The following NAA38 variants were observed in gnomAD, a reference collection of about 807,000 sequenced individuals.
NAA38 encodes N-alpha-acetyltransferase 38, NatC auxiliary subunit, also known as LSM domain containing 1.
Under a neutral mutation model 12.6 loss-of-function variants are expected in NAA38, and 15 were observed. The ratio of observed to expected loss-of-function variants is 1.19; its 90% confidence interval spans 0.79 to 1.83. The LOEUF is 1.83. Among genes scored for constraint, NAA38 ranks in the 40% most tolerant of loss-of-function variants. The pLI is 0.00. For synonymous variants in NAA38, 88 were observed against 69.9 expected (o/e 1.26, Z -1.29); for missense variants, 183 against 171.7 (o/e 1.07, Z -0.37).
At chr17:7,880,903 A>C (rs1440345124) in intron 2 of NAA38, among the ~76,000 whole-genome samples, 4 of 152,192 alleles carry the variant, frequency 2.6e-5, no homozygotes, top group African/African-American at 9.6e-5. Flanking sequence ...ACCAGTAACT[A>C]GTCAATCCAA....
chr17:7,885,307 C>CCCGCCGCACCCCTCCGCCGCCGCCGCCG (rs1555603802), upstream of NAA38: 13 of 157,218 alleles, frequency 8.3e-5, no homozygotes, highest in Admixed American at 9.8e-4. Context: ...GCACCCCTCC[C>CCCGCCGCACCCCTCCGCCGCCGCCGCCG]CCGCCGCCGC....
chr17:7,867,298 T>C lies in NAA38; in HGVS notation c.-65-740A>G, dbSNP rs1243721870. 5.3e-5 allele frequency among the ~76,000 whole-genome samples: 8 copies of C among 150,270 alleles called. No homozygotes were observed. The Admixed American group carries it at 5.3e-4, about 10-fold the overall frequency. On this transcript the variant is annotated intron_variant, in intron 2 of 4. Transcript: ENST00000576861. ...TAATTGAGACATAATTCACATACCATAATATTCACCCTTTTATAGTGTACA... is the reference window on the plus strand; with the variant it reads ...TAATTGAGACATAATTCACATACCACAATATTCACCCTTTTATAGTGTACA...
intron 1 of NAA38, chr17:7,884,727 AGG>A: frequency 4.6e-6 from 1 of 215,866 alleles, no homozygotes; most frequent in South Asian, 9.4e-5. Context: ...GAGGAGGAGG[AGG>A]AGGAGGTGGT....
At chr17:7,876,233 C>T (rs1470072593) in intron 2 of NAA38, among the ~76,000 whole-genome samples, 6 of 151,986 alleles carry the variant, frequency 3.9e-5, no homozygotes, top group Non-Finnish European at 8.8e-5. Flanking sequence ...TTGATTCCCA[C>T]GAAGCATCTA....
chr17:7,885,048 C>T, intron 1 of NAA38: 3 of 1,049,266 alleles, frequency 2.9e-6, no homozygotes, highest in Non-Finnish European at 3.4e-6. Context: ...CCGCCGCCGC[C>T]ACCGCTGCCC....
At position 7,857,408 on chromosome 17, in the gene NAA38, C is replaced by G. The variant is rs1246772868; in HGVS notation, c.56G>C (p.Arg19Pro). 1.2e-6 allele frequency: 2 copies of G among 1,600,012 alleles called. No homozygotes were observed. Reference sequence around the variant, plus strand: ...CCCAGCACTGGAGCTGCTCTGACGCCGACTGCAACAGCCATTCTCTTCTCG... The same window carrying G: ...CCCAGCACTGGAGCTGCTCTGACGCGGACTGCAACAGCCATTCTCTTCTCG... ...LLREENGCCS[R>P]RQSSSSAGDS... The change falls in exon 1 of 3, where the codon CGG (arginine) becomes CCG (proline). Residue 19 changes from arginine (R) to proline (P), a missense_variant. Coordinates refer to ENST00000575771, the MANE Select transcript of NAA38 (RefSeq NM_001320925.4).
chr17:7,885,054 T>TGCCCCCGCCGCCGCC (rs1199030865), intron 1 of NAA38: 79 of 976,316 alleles, frequency 8.1e-5, no homozygotes, highest in African/African-American at 5.9e-4. Flanking sequence ...CCGCCACCGC[T>TGCCCCCGCCGCCGCC]GCCCCCGCCG....
At chr17:7,857,881 G>A (rs149717076), upstream of NAA38, 29 of 1,388,376 alleles carry the variant, frequency 2.1e-5, no homozygotes, top group African/African-American at 2.9e-4. Flanking sequence ...TGAAAGCGGC[G>A]CAACTCAATT....
upstream of NAA38, chr17:7,885,342 C>CGCCGCCGCCGCCGCCGCCGCA (rs1967711068): frequency 1.1e-5 from 2 of 181,054 alleles, no homozygotes; most frequent in African/African-American, 2.4e-5. Context: ...CCGCCGCCGC[C>CGCCGCCGCCGCCGCCGCCGCA]GCCACCCCGG....
Position 7,856,836 on chromosome 17 carries a change from G to A in NAA38, c.273C>T (p.Phe91=). ...CCAGCACACGGGGCTCCCCGGCAGA[G>A]AAGGAATCTGGAAAGAAGGATCAGA... is the stretch of plus-strand genomic sequence containing the variant. ...AQEFLKPSDS[F]SAGEPRVLGL... Residue 91 remains phenylalanine, a synonymous_variant, in exon 3 of 3, where the codon TTC becomes TTT. Coordinates refer to ENST00000575771, the MANE Select transcript of NAA38 (RefSeq NM_001320925.4). The A allele has an allele frequency of 1.2e-6, 2 of 1,613,788 alleles. No homozygotes were observed. The highest frequency in any genetic ancestry group is 1.7e-4 in the Middle Eastern group (1 of 6,060).
At chr17:7,866,637 T>C (rs988473803) in intron 2 of NAA38, 1 of 672,052 alleles carries the variant, frequency 1.5e-6, no homozygotes, top group African/African-American at 1.9e-5. Context: ...CCACCACTCT[T>C]CAGTTGGCCA....
chr17:7,867,378 G>A (rs909566318), intron 2 of NAA38, among the ~76,000 whole-genome samples: 15 of 151,924 alleles, frequency 9.9e-5, no homozygotes, highest in African/African-American at 3.6e-4. Context: ...TGCTCTTGTT[G>A]CCCAGGCTGG....
intron 2 of NAA38, among the ~76,000 whole-genome samples, chr17:7,868,432 T>G (rs1315775726): frequency 6.6e-6 from 1 of 152,188 alleles, no homozygotes; most frequent in African/African-American, 2.4e-5. Context: ...AGAAGAAATC[T>G]AACTGCAGAA....
At chr17:7,881,520 C>T (rs1967272186) in intron 2 of NAA38, among the ~76,000 whole-genome samples, 1 of 151,530 alleles carries the variant, frequency 6.6e-6, no homozygotes, top group South Asian at 2.1e-4. Flanking sequence ...AAAGGGGTTA[C>T]TGAGAGGTTT....
Position 7,857,551 on chromosome 17 carries a change from T to C in NAA38, c.-88A>G. 3 of 1,432,922 alleles carry C rather than the reference T, an allele frequency of 2.1e-6. No individual in the cohort carries two copies. Among genetic ancestry groups the C allele is most frequent in the Non-Finnish European group, 9.1e-7 (1 of 1,096,574 alleles). The allele number at this position is 1,432,922 out of a possible 1,614,324, so 88.8% of individuals were successfully genotyped here. ...AGATCTCGCGAGCGCTCCCGACCTCTTTCCTTTCGCGAGATCCCCTCTCCT... is the reference window on the plus strand; with the variant it reads ...AGATCTCGCGAGCGCTCCCGACCTCCTTCCTTTCGCGAGATCCCCTCTCCT... On this transcript the variant is annotated 5_prime_UTR_variant, in exon 1 of 3. Coordinates refer to ENST00000575771, the MANE Select transcript of NAA38 (RefSeq NM_001320925.4).
At chr17:7,860,309 G>C (rs1355097631), upstream of NAA38, 1 of 152,070 alleles carries the variant, frequency 6.6e-6, no homozygotes, top group Admixed American at 6.6e-5. Context: ...ACGCCACAAT[G>C]CCTAATTTTT....
At chr17:7,881,969 G>A (rs547131405) in intron 2 of NAA38, among the ~76,000 whole-genome samples, 1 of 151,724 alleles carries the variant, frequency 6.6e-6, no homozygotes, top group East Asian at 1.9e-4. Context: ...CATAACAGGA[G>A]CAAGCAGGTA....
chr17:7,858,072 G>GT, upstream of NAA38: 1 of 1,599,474 alleles, frequency 6.3e-7, no homozygotes, highest in Non-Finnish European at 8.5e-7. Flanking sequence ...CGTAGTAGTA[G>GT]TGAGTACGTG....
At chr17:7,885,064 GCCGCCGCCC>G (rs1162070453) in intron 1 of NAA38, 2 of 984,170 alleles carry the variant, frequency 2.0e-6, no homozygotes, top group Non-Finnish European at 2.4e-6. Flanking sequence ...TGCCCCCGCC[GCCGCCGCCC>G]CCGCCGCCAG....
Sources: allele counts gnomAD v4.1 joint callset (sites outside exome capture counted in the v4.1 genomes callset), GRCh38; gene constraint gnomAD v4.1.1; transcripts MANE v1.5; gene names NCBI Gene and HGNC (gene_info 2026-07-23, HGNC 2026-07-21).